The following STX12 variants were observed in gnomAD, a reference collection of about 807,000 sequenced individuals.
The protein encoded by STX12 is syntaxin-12.
In STX12, 17 loss-of-function variants were observed where a neutral mutation model predicts 42.2. The observed-to-expected ratio is 0.40, with a 90% CI of 0.28 to 0.60. The LOEUF (loss-of-function observed/expected upper bound fraction) is 0.60. Among genes scored for constraint, STX12 ranks in the 20% least tolerant of loss-of-function variants. The probability of loss-of-function intolerance (pLI) is 0.39; values close to 1 mark genes in which losing one functional copy is unlikely to be tolerated. For synonymous variants in STX12, 108 were observed against 116.7 expected (o/e 0.93, Z 0.48); for missense variants, 297 against 330.9 (o/e 0.90, Z 0.79).
At chr1:27,784,860 G>A (rs927969077) in intron 1 of STX12, among the ~76,000 whole-genome samples, 1 of 151,990 alleles carries the variant, frequency 6.6e-6, no homozygotes, top group African/African-American at 2.4e-5. Flanking sequence ...ATTAATTCTG[G>A]TGCTTAGCTA....
At chr1:27,792,636 T>C (rs2088757319) in intron 2 of STX12, among the ~76,000 whole-genome samples, 1 of 151,948 alleles carries the variant, frequency 6.6e-6, no homozygotes, top group South Asian at 2.1e-4. Context: ...AACTGAGTAG[T>C]TTATAAACAA....
At chr1:27,787,059 G>A (rs2088703659) in intron 1 of STX12, among the ~76,000 whole-genome samples, 2 of 152,172 alleles carry the variant, frequency 1.3e-5, no homozygotes, top group African/African-American at 4.8e-5. Flanking sequence ...TTTTAGAGAA[G>A]TCTTGTCAAA....
chr1:27,775,718 G>A (rs559543328), intron 1 of STX12, among the ~76,000 whole-genome samples: 2 of 152,278 alleles, frequency 1.3e-5, no homozygotes, highest in Admixed American at 1.3e-4. Flanking sequence ...AGGTATTCTG[G>A]GAAGAGAGAG....
intron 8 of STX12, among the ~76,000 whole-genome samples, chr1:27,821,999 C>T (rs1051524000): frequency 6.6e-6 from 1 of 151,580 alleles, no homozygotes; most frequent in Non-Finnish European, 1.5e-5. Flanking sequence ...GCCTGGGTGA[C>T]GGAGTGAGAC....
intron 4 of STX12, among the ~76,000 whole-genome samples, chr1:27,808,582 T>C (rs2088880987): frequency 6.6e-6 from 1 of 152,080 alleles, no homozygotes; most frequent in Non-Finnish European, 1.5e-5. Flanking sequence ...CTCAAAGTGA[T>C]CTGCCCACCT....
chr1:27,789,677 G>A (rs1361419660), intron 2 of STX12, 46 bp downstream of exon 2: 2 of 1,448,702 alleles, frequency 1.4e-6, no homozygotes, highest in Non-Finnish European at 1.9e-6. Flanking sequence ...GGCCATTTGA[G>A]GACACAGTGT....
intron 5 of STX12, chr1:27,811,930 A>G: frequency 1.7e-6 from 1 of 604,930 alleles, no homozygotes; most frequent in East Asian, 3.7e-5. Context: ...CATCCGTCAT[A>G]ATTCTGCCAC....
intron 6 of STX12, among the ~76,000 whole-genome samples, chr1:27,814,083 T>G (rs1205752331): frequency 6.6e-6 from 1 of 152,208 alleles, no homozygotes; most frequent in Non-Finnish European, 1.5e-5. Flanking sequence ...GTATTTTTAG[T>G]AGAGACGAGG....
intron 1 of STX12, among the ~76,000 whole-genome samples, chr1:27,777,836 G>A (rs542645555): frequency 2.0e-5 from 3 of 152,028 alleles, no homozygotes; most frequent in African/African-American, 4.8e-5. Context: ...GCGGTGAGCC[G>A]AGATTGCGCC....
intron 6 of STX12, among the ~76,000 whole-genome samples, chr1:27,813,683 A>G (rs1235961376): frequency 6.6e-6 from 1 of 152,082 alleles, no homozygotes; most frequent in Admixed American, 6.6e-5. Context: ...CTCATCCACC[A>G]CTAATTACCT....
chr1:27,779,895 G>A (rs745939891), intron 1 of STX12, among the ~76,000 whole-genome samples: 4 of 150,604 alleles, frequency 2.7e-5, no homozygotes, highest in East Asian at 2.0e-4. Flanking sequence ...AGGTTCAAGC[G>A]ATCCTCCAGC....
intron 1 of STX12, among the ~76,000 whole-genome samples, chr1:27,781,941 C>T (rs1557798143): frequency 6.6e-6 from 1 of 152,042 alleles, no homozygotes; most frequent in Admixed American, 6.6e-5. Context: ...AATTTAGCTT[C>T]GTATCATCTC....
intron 7 of STX12, among the ~76,000 whole-genome samples, chr1:27,818,876 C>T (rs2088962693): frequency 6.6e-6 from 1 of 152,200 alleles, no homozygotes; most frequent in Non-Finnish European, 1.5e-5. Flanking sequence ...GATCTGCCCG[C>T]CTTGGCCTCC....
intron 1 of STX12, among the ~76,000 whole-genome samples, chr1:27,778,564 G>A (rs915523453): frequency 6.6e-5 from 10 of 152,034 alleles, no homozygotes; most frequent in Non-Finnish European, 1.0e-4. Flanking sequence ...GATGGCAGGC[G>A]ACTGTAGTCC....
At position 27,789,603 on chromosome 1, in the gene STX12, C is replaced by T. The variant is rs2088725123; in HGVS notation, c.160C>T (p.Gln54Ter). Residue 54 changes from glutamine to a stop codon, truncating the protein, a stop_gained, in exon 2 of 9, where the codon CAG becomes TAG. Transcript: ENST00000373943. LOFTEE classifies it high-confidence loss of function. ...KNLMSQLGTK[Q>*]DSSKLQENLQ... is the part of the protein sequence containing the mutation. Reference sequence around the variant, plus strand: ...TTTGATGAGCCAGCTAGGAACTAAGCAGGACTCAAGCAAGCTACAGGAAAA... The same window carrying T: ...TTTGATGAGCCAGCTAGGAACTAAGTAGGACTCAAGCAAGCTACAGGAAAA... 7 of 1,613,656 alleles carry T rather than the reference C, an allele frequency of 4.3e-6. No homozygotes were observed. Among genetic ancestry groups the T allele is most frequent in the Non-Finnish European group, 5.1e-6 (6 of 1,179,746 alleles).
At chr1:27,773,735 G>A (rs2088611354) in intron 1 of STX12, 1 of 292,966 alleles carries the variant, frequency 3.4e-6, no homozygotes, top group East Asian at 7.4e-5. Flanking sequence ...AGAGCTGTGA[G>A]TGCGTTGACT....
intron 4 of STX12, among the ~76,000 whole-genome samples, chr1:27,807,547 G>C (rs958255505): frequency 1.3e-5 from 2 of 152,180 alleles, no homozygotes; most frequent in African/African-American, 4.8e-5. Context: ...TTAAAATTCT[G>C]TGAACACTGG....
At chr1:27,813,022 C>A (rs960176937) in intron 6 of STX12, among the ~76,000 whole-genome samples, 1 of 152,072 alleles carries the variant, frequency 6.6e-6, no homozygotes, top group African/African-American at 2.4e-5. Context: ...TTTTGTATAT[C>A]CTAAAGTCTA....
In STX12 at chr1:27,801,212, A is replaced by G. The variant is rs149406610; in HGVS notation, c.289-466A>G. ...TGAGGAGTTCTACAATAGCCCGGCCAACATGGCGAAACCCCATCTGTACTA... is the reference window on the plus strand; with the variant it reads ...TGAGGAGTTCTACAATAGCCCGGCCGACATGGCGAAACCCCATCTGTACTA... On this transcript the variant is annotated intron_variant, in intron 3 of 8. Transcript: ENST00000373943. Among the ~76,000 whole-genome samples, 71 of 152,280 alleles carry G rather than the reference A, an allele frequency of 4.7e-4. No homozygotes were observed. The Middle Eastern group carries it at 0.01, about 22-fold the overall frequency.
Sources: gnomAD v4.1 joint callset for allele counts (sites outside exome capture counted in the v4.1 genomes callset) on GRCh38, gnomAD v4.1.1 for gene constraint, MANE v1.5 for transcripts, NCBI Gene and HGNC (gene_info 2026-07-23, HGNC 2026-07-21) for gene names.